GALNT13: variants seen among roughly 807,000 people sequenced by gnomAD.
GALNT13 encodes UDP-GalNAc:polypeptide N-acetylgalactosaminyltransferase 13.
In GALNT13, 28 loss-of-function variants were observed where a neutral mutation model predicts 64.2. The ratio of observed to expected loss-of-function variants is 0.44; its 90% confidence interval spans 0.32 to 0.60. The LOEUF is 0.60. Among genes scored for constraint, GALNT13 ranks in the 20% least tolerant of loss-of-function variants. The pLI, the probability that GALNT13 is intolerant of heterozygous loss-of-function variation, is 0.05. For synonymous variants in GALNT13, 214 were observed against 224.6 expected, an observed-to-expected ratio of 0.95 and a Z score of 0.42; for missense variants, 577 against 669.8, an observed-to-expected ratio of 0.86 and a Z score of 1.53.
chr2:153,631,209 G>A, the GALNT13 span, among the ~76,000 whole-genome samples: 5,800 of 151,978 alleles, frequency 0.038, 141 homozygotes, highest in Middle Eastern at 0.065. Context: ...TCAGTCTGTC[G>A]TTGTTGGACA....
At chr2:153,139,406 G>A in the GALNT13 span, among the ~76,000 whole-genome samples, 1 of 151,990 alleles carries the variant, frequency 6.6e-6, no homozygotes, top group African/African-American at 2.4e-5. Flanking sequence ...TTTAAGTTGT[G>A]TCCAGAGGGA....
the GALNT13 span, among the ~76,000 whole-genome samples, chr2:153,458,708 A>G: frequency 6.6e-5 from 10 of 152,300 alleles, no homozygotes; most frequent in African/African-American, 1.9e-4. Flanking sequence ...TTCTGGAAAA[A>G]GTAGTTATTT....
intron 2 of GALNT13, among the ~76,000 whole-genome samples, chr2:153,931,544 G>T: frequency 6.6e-6 from 1 of 152,012 alleles, no homozygotes; most frequent in East Asian, 1.9e-4. Context: ...GTTTGTTGAA[G>T]GTTTTTAACA....
intron 2 of GALNT13, among the ~76,000 whole-genome samples, chr2:153,917,945 T>C (rs1357537826): frequency 2.0e-5 from 3 of 151,870 alleles, no homozygotes. Flanking sequence ...AAAATGCAGC[T>C]AGCTTACAGC....
chr2:153,225,846 G>A, the GALNT13 span, among the ~76,000 whole-genome samples: 2 of 152,134 alleles, frequency 1.3e-5, no homozygotes, highest in East Asian at 3.8e-4. Flanking sequence ...GGTATTGCAT[G>A]TTCACAGATA....
At chr2:153,359,512 T>C in the GALNT13 span, among the ~76,000 whole-genome samples, 1 of 150,816 alleles carries the variant, frequency 6.6e-6, no homozygotes, top group Non-Finnish European at 1.5e-5. Flanking sequence ...TAAAATCCAT[T>C]GGATGCAGCA....
At chr2:153,261,195 T>C in the GALNT13 span, among the ~76,000 whole-genome samples, 42 of 152,314 alleles carry the variant, frequency 2.8e-4, 2 homozygotes, top group Middle Eastern at 3.4e-3. Context: ...CTCTTTGAGA[T>C]TGGACATTGG....
At chr2:153,980,479 A>C (rs1340771707) in intron 3 of GALNT13, among the ~76,000 whole-genome samples, 1 of 152,068 alleles carries the variant, frequency 6.6e-6, no homozygotes, top group Non-Finnish European at 1.5e-5. Flanking sequence ...TCAAGAAAGA[A>C]AGGTTTAGGA....
At chr2:153,249,728 C>G in the GALNT13 span, among the ~76,000 whole-genome samples, 87 of 152,252 alleles carry the variant, frequency 5.7e-4, no homozygotes, top group Non-Finnish European at 1.1e-3. Context: ...CACCATACAT[C>G]TACAACCACA....
chr2:153,375,551 T>C, the GALNT13 span, among the ~76,000 whole-genome samples: 7 of 152,164 alleles, frequency 4.6e-5, no homozygotes, highest in Non-Finnish European at 7.3e-5. Flanking sequence ...TTGTAAGAGG[T>C]TTTTATTTGC....
the GALNT13 span, among the ~76,000 whole-genome samples, chr2:153,507,028 T>C: frequency 6.6e-6 from 1 of 152,164 alleles, no homozygotes; most frequent in Non-Finnish European, 1.5e-5. Flanking sequence ...GGAGGCTTGG[T>C]TCATTTTTTA....
chr2:154,173,310 C>T (rs1229592074), intron 4 of GALNT13, among the ~76,000 whole-genome samples: 1 of 151,362 alleles, frequency 6.6e-6, no homozygotes, highest in Non-Finnish European at 1.5e-5. Flanking sequence ...TCTCACTATA[C>T]ACAAAAAAAC....
intron 9 of GALNT13, among the ~76,000 whole-genome samples, chr2:154,388,477 T>C (rs1238111340): frequency 3.6e-5 from 5 of 138,646 alleles, no homozygotes; most frequent in South Asian, 4.8e-4. Flanking sequence ...CAGACAAATA[T>C]GGACTATTTC....
At chr2:153,837,258 G>C in the GALNT13 span, among the ~76,000 whole-genome samples, 17 of 152,278 alleles carry the variant, frequency 1.1e-4, no homozygotes, top group Non-Finnish European at 2.5e-4. Context: ...CTGATGGCCA[G>C]TGATGATGAG....
chr2:154,138,174 A>C (rs2105571412), intron 3 of GALNT13, among the ~76,000 whole-genome samples: 1 of 152,162 alleles, frequency 6.6e-6, no homozygotes, highest in South Asian at 2.1e-4. Context: ...ATTATCACTT[A>C]CTGACAATTT....
the GALNT13 span, among the ~76,000 whole-genome samples, chr2:153,439,832 C>G: frequency 1.3e-5 from 2 of 152,154 alleles, no homozygotes; most frequent in African/African-American, 2.4e-5. Flanking sequence ...TGTCCTGCAT[C>G]CACTGTCCGG....
chr2:153,596,084 T>C, the GALNT13 span, among the ~76,000 whole-genome samples: 1 of 152,208 alleles, frequency 6.6e-6, no homozygotes, highest in Non-Finnish European at 1.5e-5. Flanking sequence ...CTCACAAGGC[T>C]GGCAGTTGAA....
the GALNT13 span, among the ~76,000 whole-genome samples, chr2:153,730,833 CAGTG>C: frequency 6.6e-6 from 1 of 151,960 alleles, no homozygotes; most frequent in African/African-American, 2.4e-5. Context: ...ATTAAAACCA[CAGTG>C]AGATATTATC....
the GALNT13 span, among the ~76,000 whole-genome samples, chr2:153,462,603 T>C: frequency 6.6e-6 from 1 of 152,114 alleles, no homozygotes; most frequent in Non-Finnish European, 1.5e-5. Context: ...GAAATAAATC[T>C]ATGCAACTGG....
Sources: allele counts gnomAD v4.1 joint callset (sites outside exome capture counted in the v4.1 genomes callset), GRCh38; gene constraint gnomAD v4.1.1; transcripts MANE v1.5; gene names NCBI Gene and HGNC (gene_info 2026-07-23, HGNC 2026-07-21).